Variants in NECTIN1 observed in about 807,000 individuals in gnomAD.
The protein encoded by NECTIN1 is nectin cell adhesion molecule 1.
In NECTIN1, 23 loss-of-function variants were observed where a neutral mutation model predicts 48.0. That is an observed-to-expected ratio of 0.48 (90% CI 0.34 to 0.68). The LOEUF (loss-of-function observed/expected upper bound fraction) is 0.68, where lower values mean the gene tolerates loss of function less well. Ranked by LOEUF, NECTIN1 falls within the 30% of genes least tolerant of loss-of-function variation. The probability of loss-of-function intolerance (pLI) is 0.01; values close to 1 mark genes in which losing one functional copy is unlikely to be tolerated. For missense variants in NECTIN1, 591 were observed against 709.9 expected (o/e 0.83, Z 1.90); for synonymous variants, 270 against 288.9 (o/e 0.93, Z 0.66).
chr11:119,728,539 C>G lies in NECTIN1; in HGVS notation c.15G>C (p.Gly5=). The part of the protein sequence containing the change: MARM[G]LAGAAGRWWG... ...ACCAGCGTCCAGCGGCGCCCGCAAG[C>G]CCCATCCGAGCCATCGGGGGCCGGG... The change falls in exon 1 of 6, where the codon GGG becomes GGC. Residue 5 remains glycine, a synonymous_variant. Coordinates refer to ENST00000264025, the MANE Select transcript of NECTIN1 (RefSeq NM_002855.5). 6.3e-7 allele frequency: 1 copy of G among 1,588,588 alleles called. No individual in the cohort carries two copies. The highest frequency in any genetic ancestry group is 8.6e-7 in the Non-Finnish European group (1 of 1,167,468).
rs908869648 is a variant in NECTIN1 at position 119,678,716 on chromosome 11, G to A, written c.129C>T (p.Ile43=). 5.7e-5 allele frequency: 92 copies of A among 1,613,456 alleles called. No individual in the cohort carries two copies. Among genetic ancestry groups the A allele is most frequent in the Non-Finnish European group, 7.1e-5 (84 of 1,179,888 alleles). ...VQVNDSMYGF[I]GTDVVLHCSF... is the part of the protein sequence containing the mutation. ...TGCAGTGCAGAACCACGTCTGTGCC[G>A]ATGAAGCCATACATGGAGTCGTTCA... Residue 43 remains isoleucine, a synonymous_variant, in exon 2 of 6, where the codon ATC becomes ATT. Transcript: ENST00000264025. The surrounding 1 kb of genome is among the most constrained non-coding windows in gnomAD (Gnocchi z 4.4).
At chr11:119,697,897 G>C (rs1180430719) in intron 1 of NECTIN1, among the ~76,000 whole-genome samples, 2 of 152,254 alleles carry the variant, frequency 1.3e-5, no homozygotes, top group Non-Finnish European at 2.9e-5. Flanking sequence ...GATTTCCCCA[G>C]AGGACAGGCA....
rs144712866 is a variant in NECTIN1 at position 119,682,373 on chromosome 11, A to C, written c.80-3608T>G. ...GACAGGCAGCAGAAACAGGGGCTTA[A>C]AGACTGCACAGCCCCTCTCCTTGCC... On this transcript the variant is annotated intron_variant, in intron 1 of 5. Transcript: ENST00000264025. Among the ~76,000 whole-genome samples the C allele has an allele frequency of 5.9e-5, 9 of 152,234 alleles. No individual in the cohort carries two copies. The East Asian group carries it at 1.7e-3, about 29-fold the overall frequency.
intron 1 of NECTIN1, among the ~76,000 whole-genome samples, chr11:119,703,604 G>T (rs1021840177): frequency 7.2e-5 from 11 of 152,198 alleles, no homozygotes; most frequent in African/African-American, 2.7e-4. Flanking sequence ...TGAGGCCAGG[G>T]AATGCCTGAG....
Position 119,661,259 on chromosome 11 carries a change from G to A in NECTIN1, c.*3488C>T, listed in dbSNP as rs139964288. The A allele has an allele frequency of 6.3e-5, 62 of 985,776 alleles. No homozygotes were observed. The highest frequency in any genetic ancestry group is 7.4e-5 in the Non-Finnish European group (61 of 829,924). 61.1% of individuals were successfully genotyped at this position (985,776 alleles called of 1,614,324 possible). A position where few individuals can be genotyped will look rare whatever the true frequency, so the allele number is the denominator to read the frequency against. ...ACAAAAAAGGAAAACCAATTTTTTCGACCAAGAATCCCATTCCTCACAGCA... is the reference window on the plus strand; with the variant it reads ...ACAAAAAAGGAAAACCAATTTTTTCAACCAAGAATCCCATTCCTCACAGCA... On this transcript the variant is annotated 3_prime_UTR_variant, in exon 6 of 6. Transcript: ENST00000264025.
At chr11:119,702,180 G>C (rs886600801) in intron 1 of NECTIN1, among the ~76,000 whole-genome samples, 1 of 152,152 alleles carries the variant, frequency 6.6e-6, no homozygotes, top group African/African-American at 2.4e-5. Flanking sequence ...AGACACTGGA[G>C]GGGTCATCCT....
At chr11:119,652,576 T>C (rs1319346451) in intron 5 of NECTIN1, among the ~76,000 whole-genome samples, 1 of 152,136 alleles carries the variant, frequency 6.6e-6, no homozygotes, top group African/African-American at 2.4e-5. Context: ...GATAGTCATA[T>C]GAAAAAGTGC....
chr11:119,682,084 G>A (rs887791607), intron 1 of NECTIN1, among the ~76,000 whole-genome samples: 4 of 152,138 alleles, frequency 2.6e-5, no homozygotes, highest in South Asian at 2.1e-4. Context: ...CTTAGGGACC[G>A]GGAACCCAAG....
intron 1 of NECTIN1, among the ~76,000 whole-genome samples, chr11:119,685,997 C>T (rs1213552346): frequency 6.6e-6 from 1 of 152,140 alleles, no homozygotes; most frequent in Admixed American, 6.5e-5. Context: ...GACCTATCTA[C>T]CAAGTGGCTG....
chr11:119,664,133 T>C lies in NECTIN1; in HGVS notation c.*614A>G. 1.0e-6 allele frequency: 1 copy of C among 986,008 alleles called. No individual in the cohort carries two copies. The highest frequency in any genetic ancestry group is 1.2e-6 in the Non-Finnish European group (1 of 830,138). 61.1% of individuals were successfully genotyped at this position (986,008 alleles called of 1,614,324 possible). A position where few individuals can be genotyped will look rare whatever the true frequency, so the allele number is the denominator to read the frequency against. On this transcript the variant is annotated 3_prime_UTR_variant, in exon 6 of 6. Coordinates refer to ENST00000264025, the MANE Select transcript of NECTIN1 (RefSeq NM_002855.5). ...AAAACCACCCTCAGCAGGAAAACAC[T>C]GCCCAAGGCCCCGCTTAACAAACAA...
In NECTIN1 at chr11:119,667,230, G is replaced by T. The variant is rs372513583; in HGVS notation, c.1004-1933C>A. ...GAGATGGGAGCAGCCTCCACCAGGG[G>T]TTCCCCAGAGGCAGCTGGGAAGAAC... is the stretch of plus-strand genomic sequence containing the variant. On this transcript the variant is annotated intron_variant, in intron 5 of 5. Transcript: ENST00000264025. Among the ~76,000 whole-genome samples, 5 of 152,292 alleles carry T rather than the reference G, an allele frequency of 3.3e-5. No homozygotes were observed. The South Asian group carries it at 8.3e-4, about 25-fold the overall frequency.
chr11:119,674,472 A>T (rs1864912891), intron 5 of NECTIN1: 1 of 1,606,644 alleles, frequency 6.2e-7, no homozygotes, highest in Non-Finnish European at 8.5e-7. Flanking sequence ...TTCTGACAAC[A>T]GCCCTTCAAG....
intron 1 of NECTIN1, among the ~76,000 whole-genome samples, chr11:119,697,783 T>C (rs1865367820): frequency 6.6e-6 from 1 of 152,230 alleles, no homozygotes; most frequent in Non-Finnish European, 1.5e-5. Context: ...GTTTTCTGTC[T>C]CCTCAACTGG....
chr11:119,677,467 A>T lies in NECTIN1; in HGVS notation c.733+88T>A. On this transcript the variant is annotated intron_variant, in intron 3 of 5. Transcript: ENST00000264025. The surrounding 1 kb of genome is among the most constrained non-coding windows in gnomAD (Gnocchi z 5.4). ...GGAGGGGAGAAGAAAGCACCCCCAG[A>T]AAGAGAAAGGGAGGAGAAAGGAGAG... 1.4e-6 allele frequency: 2 copies of T among 1,473,244 alleles called. No individual in the cohort carries two copies. The highest frequency in any genetic ancestry group is 1.9e-6 in the Non-Finnish European group (2 of 1,056,100). 91.3% of individuals were successfully genotyped at this position (1,473,244 alleles called of 1,614,324 possible).
downstream of NECTIN1, among the ~76,000 whole-genome samples, chr11:119,660,831 G>C (rs1864650655): frequency 6.6e-6 from 1 of 152,134 alleles, no homozygotes; most frequent in South Asian, 2.1e-4. Flanking sequence ...GGCAGCCTGT[G>C]AGCAGTCTCC....
chr11:119,680,085 G>C (rs1865032452), intron 1 of NECTIN1, among the ~76,000 whole-genome samples: 1 of 152,232 alleles, frequency 6.6e-6, no homozygotes, highest in Non-Finnish European at 1.5e-5. Flanking sequence ...TACACAAATT[G>C]CAATGGAAGT....
chr11:119,657,028 C>T (rs1864586148), downstream of NECTIN1, among the ~76,000 whole-genome samples: 1 of 152,212 alleles, frequency 6.6e-6, no homozygotes, highest in African/African-American at 2.4e-5. Context: ...GTGGCTCCAT[C>T]CTGCCCCCTA....
intron 1 of NECTIN1, among the ~76,000 whole-genome samples, chr11:119,714,588 C>T (rs1396436119): frequency 6.6e-6 from 1 of 152,162 alleles, no homozygotes; most frequent in Non-Finnish European, 1.5e-5. Flanking sequence ...TGTCCCCTGC[C>T]CTGTCCTGTC....
At position 119,678,051 on chromosome 11, in the gene NECTIN1, C is replaced by T. The variant is rs1864991164; in HGVS notation, c.431-194G>A. On this transcript the variant is annotated intron_variant, in intron 2 of 5. Coordinates refer to ENST00000264025, the MANE Select transcript of NECTIN1 (RefSeq NM_002855.5). The surrounding 1 kb of genome is among the most constrained non-coding windows in gnomAD (Gnocchi z 4.4). ...CATCATGTCTAACGTTATGTCCTCC[C>T]TGCCCTACTAGTCATATCCCTGTCA... Among the ~76,000 whole-genome samples, 1 of 152,340 alleles carries T rather than the reference C, an allele frequency of 6.6e-6. No homozygotes were observed. Among genetic ancestry groups the T allele is most frequent in the East Asian group, 1.9e-4 (1 of 5,186 alleles).
Sources: allele counts gnomAD v4.1 joint callset (sites outside exome capture counted in the v4.1 genomes callset), GRCh38; gene constraint gnomAD v4.1.1; non-coding constraint Gnocchi (gnomAD v3.1); transcripts MANE v1.5; gene names NCBI Gene and HGNC (gene_info 2026-07-23, HGNC 2026-07-21).